The following MPV17L variants were observed in gnomAD, a reference collection of about 807,000 sequenced individuals.
The protein encoded by MPV17L is MPV17 mitochondrial inner membrane protein like, also known as mpv17-like protein.
MPV17L carries 24 observed loss-of-function variants against 25.8 expected under a neutral mutation model. The ratio of observed to expected loss-of-function variants is 0.93; its 90% CI spans 0.67 to 1.31. MPV17L has a LOEUF of 1.31. Among genes scored for constraint, MPV17L ranks in the 50% most tolerant of loss-of-function variants. The pLI is 0.00. For missense variants in MPV17L, 250 were observed against 265.6 expected (o/e 0.94, Z 0.41); for synonymous variants, 102 against 115.3 (o/e 0.88, Z 0.74).
At chr16:15,406,636 CA>C (rs1479838273) in intron 2 of MPV17L, among the ~76,000 whole-genome samples, 1 of 152,040 alleles carries the variant, frequency 6.6e-6, no homozygotes, top group East Asian at 1.9e-4. Context: ...ATAGTTTCAA[CA>C]ATTCAAGGCT....
intron 2 of MPV17L, among the ~76,000 whole-genome samples, chr16:15,401,074 A>AAAATATAT (rs2050632194): frequency 3.5e-5 from 1 of 28,360 alleles, no homozygotes; most frequent in Non-Finnish European, 1.0e-4. Context: ...ATATATATAT[A>AAAATATAT]TATATATATA....
chr16:15,404,433 C>T (rs1017267601), intron 2 of MPV17L, among the ~76,000 whole-genome samples: 27 of 152,252 alleles, frequency 1.8e-4, no homozygotes, highest in Middle Eastern at 3.4e-3. Flanking sequence ...TGGTGGCTCA[C>T]GCCTGTAATC....
chr16:15,400,703 A>G (rs2050626124), intron 1 of MPV17L, 84 bp from the exon 2 acceptor site: 1 of 908,744 alleles, frequency 1.1e-6, no homozygotes, highest in African/African-American at 1.7e-5. Context: ...GTTACTTTGC[A>G]TTTTGGAATG....
chr16:15,396,178 C>A lies in MPV17L; in HGVS notation c.281C>A (p.Ala94Glu), dbSNP rs1340645301. The change falls in exon 1 of 4, where the codon GCG (alanine) becomes GAG (glutamate). Residue 94 changes from alanine (A) to glutamate (E), a missense_variant. By Grantham distance (107) the Ala-to-Glu change is moderately radical. Transcript: ENST00000396385. ...AKLLCDQVVG[A>E]PIAVSAFYVG... Reference sequence around the variant, plus strand: ...TTGCTGTGCGACCAGGTGGTCGGTGCGCCCATCGCGGTCTCGGCCTTCTAT... The same window carrying A: ...TTGCTGTGCGACCAGGTGGTCGGTGAGCCCATCGCGGTCTCGGCCTTCTAT... 2 of 1,550,048 alleles carry A rather than the reference C, an allele frequency of 1.3e-6. No individual in the cohort carries two copies. Among genetic ancestry groups the A allele is most frequent in the Non-Finnish European group, 1.7e-6 (2 of 1,147,642 alleles).
rs1403382372 is a variant in MPV17L at position 15,413,144 on chromosome 16, G to A, written c.*5032G>A. The A allele has an allele frequency of 6.6e-6, 1 of 152,112 alleles. No individual in the cohort carries two copies. The highest frequency in any genetic ancestry group is 1.5e-5 in the Non-Finnish European group (1 of 68,026). 9.4% of individuals were successfully genotyped at this position (152,112 alleles called of 1,614,324 possible). On this transcript the variant is annotated 3_prime_UTR_variant, in exon 4 of 4. Transcript: ENST00000396385. ...TTGAAATTAGGTTCATCTTCTGAGAGTATTAAAAAGTTAATGGGTTTTTGT... is the reference window on the plus strand; with the variant it reads ...TTGAAATTAGGTTCATCTTCTGAGAATATTAAAAAGTTAATGGGTTTTTGT...
Position 15,411,556 on chromosome 16 carries a change from G to A in MPV17L, c.*3444G>A, listed in dbSNP as rs1370335778. The A allele has an allele frequency of 6.6e-6, 1 of 152,192 alleles. No individual in the cohort carries two copies. The highest frequency in any genetic ancestry group is 1.5e-5 in the Non-Finnish European group (1 of 68,058). 9.4% of individuals were successfully genotyped at this position (152,192 alleles called of 1,614,324 possible). Reference sequence around the variant, plus strand: ...AGCTACTTGGAAGACTCATGCAGGAGGATCTCTCGAGCTCAGGAGGCAGAA... The same window carrying A: ...AGCTACTTGGAAGACTCATGCAGGAAGATCTCTCGAGCTCAGGAGGCAGAA... On this transcript the variant is annotated 3_prime_UTR_variant, in exon 4 of 4. Transcript: ENST00000396385.
At chr16:15,402,970 C>A (rs2050650269) in intron 2 of MPV17L, among the ~76,000 whole-genome samples, 1 of 152,046 alleles carries the variant, frequency 6.6e-6, no homozygotes, top group African/African-American at 2.4e-5. Flanking sequence ...CATGAATCAC[C>A]ATACCCAGCC....
chr16:15,408,000 G>A lies in MPV17L; in HGVS notation c.479G>A (p.Trp160Ter), dbSNP rs776608573. 1.4e-5 allele frequency: 22 copies of A among 1,613,678 alleles called. No individual in the cohort carries two copies. The South Asian group carries it at 2.2e-4, about 16-fold the overall frequency. The part of the protein sequence containing the change: ...TAYAGVCGFL[W>*]ATFICFSQQS... ...TACGCTGGAGTCTGTGGTTTTCTCT[G>A]GGCCACCTTCATCTGTTTTTCCCAG... Residue 160 changes from tryptophan (W) to a stop codon, truncating the protein, a stop_gained, in exon 4 of 4, where the codon TGG (tryptophan) becomes TAG (stop). Transcript: ENST00000396385. LOFTEE classifies it high-confidence loss of function.
rs1460726051 is a variant in MPV17L at position 15,412,940 on chromosome 16, C to T, written c.*4828C>T. On this transcript the variant is annotated 3_prime_UTR_variant, in exon 4 of 4. Transcript: ENST00000396385. ...TAAACCTTATTTGTTTACTGTTTCT[C>T]TTCCAAGGACGGTCAGTCATCCTTT... The T allele has an allele frequency of 1.3e-5, 2 of 152,084 alleles. No homozygotes were observed. The highest frequency in any genetic ancestry group is 2.9e-5 in the Non-Finnish European group (2 of 68,028). The allele number at this position is 152,084 out of a possible 1,614,324, so 9.4% of individuals were successfully genotyped here. A position where few individuals can be genotyped will look rare whatever the true frequency, so the allele number is the denominator to read the frequency against.
rs922653153 is a variant in MPV17L at position 15,410,146 on chromosome 16, T to C, written c.*2034T>C. The C allele has an allele frequency of 6.6e-6, 1 of 152,192 alleles. No individual in the cohort carries two copies. Among genetic ancestry groups the C allele is most frequent in the African/African-American group, 2.4e-5 (1 of 41,452 alleles). 9.4% of individuals were successfully genotyped at this position (152,192 alleles called of 1,614,324 possible). On this transcript the variant is annotated 3_prime_UTR_variant, in exon 4 of 4. Transcript: ENST00000396385. Reference sequence around the variant, plus strand: ...CTTCTACACCAGCAGATTTAAAAATTATGTAACTATCTCAAGAAGTTTCAC... The same window carrying C: ...CTTCTACACCAGCAGATTTAAAAATCATGTAACTATCTCAAGAAGTTTCAC...
At chr16:15,406,205 T>C (rs1386446300) in intron 2 of MPV17L, among the ~76,000 whole-genome samples, 6 of 151,724 alleles carry the variant, frequency 4.0e-5, no homozygotes, top group Admixed American at 2.0e-4. Context: ...TATATATATA[T>C]ACATACACAT....
In MPV17L at chr16:15,400,804, G is replaced by A; in HGVS notation, c.328G>A (p.Gly110Arg). 1 of 1,603,514 alleles carries A rather than the reference G, an allele frequency of 6.2e-7. No individual in the cohort carries two copies. Among genetic ancestry groups the A allele is most frequent in the Non-Finnish European group, 8.5e-7 (1 of 1,175,180 alleles). Residue 110 changes from glycine (G) to arginine (R), a missense_variant, in exon 2 of 4, where the codon GGA becomes AGA. Physicochemically the swap from Gly to Arg is moderately radical, Grantham distance 125. Transcript: ENST00000396385. ...AFYVGMSILQ[G>R]KDDIFLDLKQ... ...GCAAATAGGTATGAGCATTCTCCAAGGAAAGGATGACATATTTTTGGACCT... is the reference window on the plus strand; with the variant it reads ...GCAAATAGGTATGAGCATTCTCCAAAGAAAGGATGACATATTTTTGGACCT...
chr16:15,402,592 C>G (rs1275561731), intron 2 of MPV17L, among the ~76,000 whole-genome samples: 3 of 152,294 alleles, frequency 2.0e-5, no homozygotes, highest in Middle Eastern at 3.4e-3. Context: ...CTTGTGATTT[C>G]TCTTAGGGCA....
intron 2 of MPV17L, among the ~76,000 whole-genome samples, chr16:15,404,465 G>A (rs975688917): frequency 6.6e-5 from 10 of 152,192 alleles, no homozygotes; most frequent in Admixed American, 5.2e-4. Flanking sequence ...GGAGGCTGAA[G>A]CAGGAGGATC....
intron 2 of MPV17L, among the ~76,000 whole-genome samples, chr16:15,405,450 A>ATTT (rs746892378): frequency 7.2e-6 from 1 of 139,398 alleles, no homozygotes; most frequent in Non-Finnish European, 1.6e-5. Context: ...TAAAGTTTTA[A>ATTT]TTTTTTTTTT....
chr16:15,401,087 T>TATATATATATATATATA (rs376853780), intron 2 of MPV17L, among the ~76,000 whole-genome samples: 2 of 17,854 alleles, frequency 1.1e-4, no homozygotes, highest in African/African-American at 1.4e-4. Flanking sequence ...TATATATATA[T>TATATATATATATATATA]TTTTTTTTTT....
chr16:15,399,084 C>G (rs1018000652), intron 1 of MPV17L, among the ~76,000 whole-genome samples: 2 of 137,952 alleles, frequency 1.4e-5, no homozygotes, highest in Admixed American at 7.1e-5. Flanking sequence ...GAATCAGACA[C>G]CTGGGTTGAA....
chr16:15,395,928 G>A lies in MPV17L; in HGVS notation c.31G>A (p.Ala11Thr), dbSNP rs540835805. ...GGGCTGGTGGCCGGCGTTGTCGCGC[G>A]CGGCCCGGCGCCACCCGTGGCCCAC... MAGWWPALSRAARRHPWPTNV... is the reference protein window; with the variant it reads MAGWWPALSRTARRHPWPTNV... Residue 11 changes from alanine to threonine, a missense_variant, in exon 1 of 4, where the codon GCG (alanine) becomes ACG (threonine). By Grantham distance (58) the Ala-to-Thr change is moderately conservative (BLOSUM62 0). Coordinates refer to ENST00000396385, the MANE Select transcript of MPV17L (RefSeq NM_001128423.2). The A allele has an allele frequency of 2.1e-6, 3 of 1,436,884 alleles. No individual in the cohort carries two copies. Among genetic ancestry groups the A allele is most frequent in the African/African-American group, 3.0e-5 (2 of 66,896 alleles). 89.0% of individuals were successfully genotyped at this position (1,436,884 alleles called of 1,614,324 possible). A position where few individuals can be genotyped will look rare whatever the true frequency, so the allele number is the denominator to read the frequency against.
Position 15,408,601 on chromosome 16 carries a change from C to CTTTTTTTTTTTTTTT in MPV17L, c.*496_*510dup, listed in dbSNP as rs4013478. On this transcript the variant is annotated 3_prime_UTR_variant, in exon 4 of 4. Coordinates refer to ENST00000396385, the MANE Select transcript of MPV17L (RefSeq NM_001128423.2). ...CACAATTTGTTATTTTAGTAAATACCTTTTTTTTTTTTTTTTTTTTTGTGG... is the reference window on the plus strand; with the variant it reads ...CACAATTTGTTATTTTAGTAAATACCTTTTTTTTTTTTTTTTTTTTTTTTTTTTTTTTTTTTGTGG... The CTTTTTTTTTTTTTTT allele has an allele frequency of 1.9e-5, 2 of 106,302 alleles. No individual in the cohort carries two copies. Among genetic ancestry groups the CTTTTTTTTTTTTTTT allele is most frequent in the African/African-American group, 3.6e-5 (1 of 28,140 alleles). The allele number at this position is 106,302 out of a possible 1,614,324, so 6.6% of individuals were successfully genotyped here.
Sources: gnomAD v4.1 joint callset for allele counts (sites outside exome capture counted in the v4.1 genomes callset) on GRCh38, gnomAD v4.1.1 for gene constraint, MANE v1.5 for transcripts, NCBI Gene and HGNC (gene_info 2026-07-23, HGNC 2026-07-21) for gene names.